SEMA3A: variants seen among roughly 807,000 people sequenced by gnomAD.
SEMA3A encodes the protein semaphorin-3A.
Under a neutral mutation model 97.9 loss-of-function variants are expected in SEMA3A, and 29 were observed. The ratio of observed to expected loss-of-function variants is 0.30; its 90% confidence interval spans 0.22 to 0.40. The LOEUF (loss-of-function observed/expected upper bound fraction) is 0.40, where lower values mean the gene tolerates loss of function less well. SEMA3A is among the 10% of genes least tolerant of loss of function. The pLI is 1.00. For missense variants in SEMA3A, 763 were observed against 951.3 expected (o/e 0.80, Z 2.60); for synonymous variants, 321 against 323.7 (o/e 0.99, Z 0.09).
chr7:84,005,178 C>CTATT (rs1429405919), intron 11 of SEMA3A, among the ~76,000 whole-genome samples, 161 bp downstream of exon 11: 3 of 152,166 alleles, frequency 2.0e-5, no homozygotes, highest in Non-Finnish European at 2.9e-5. Flanking sequence ...CAACAGTAGG[C>CTATT]TATTAGTAGT....
Position 83,956,328 on chromosome 7 carries a change from C to T in SEMA3A, c.*5043G>A, listed in dbSNP as rs963727517. On this transcript the variant is annotated 3_prime_UTR_variant, in exon 17 of 17. Transcript: ENST00000265362. ...AAGGCTGTAGGTAGGTGAAATGTAA[C>T]AGAAACTTTCGTTTGAACTGAGAGC... The T allele has an allele frequency of 6.6e-6, 1 of 152,138 alleles. No individual in the cohort carries two copies. The highest frequency in any genetic ancestry group is 1.5e-5 in the Non-Finnish European group (1 of 68,024). The allele number at this position is 152,138 out of a possible 1,614,324, so 9.4% of individuals were successfully genotyped here.
chr7:84,118,901 A>C (rs1400125733), intron 3 of SEMA3A, among the ~76,000 whole-genome samples: 1 of 85,110 alleles, frequency 1.2e-5, no homozygotes, highest in African/African-American at 3.5e-5. Context: ...TTTCCATATC[A>C]ATCACACAGT....
rs1488910011 is a variant in SEMA3A, at chr7:84,240,886, G to A, written c.-82-46218C>T. Among the ~76,000 whole-genome samples the A allele has an allele frequency of 9.2e-5, 14 of 152,144 alleles. No homozygotes were observed. The East Asian group carries it at 2.5e-3, about 27-fold the overall frequency. On this transcript the variant is annotated intron_variant, in intron 3 of 3. Transcript: ENST00000424555. Reference sequence around the variant, plus strand: ...TTTTCTGTTCCTGTGTTAGTTTGCTGAGAATGATGGTTTCCAGCTTCATCC... The same window carrying A: ...TTTTCTGTTCCTGTGTTAGTTTGCTAAGAATGATGGTTTCCAGCTTCATCC...
At chr7:84,106,455 A>G (rs1019841511) in intron 4 of SEMA3A, among the ~76,000 whole-genome samples, 2 of 152,152 alleles carry the variant, frequency 1.3e-5, no homozygotes, top group African/African-American at 4.8e-5. Flanking sequence ...AGTACACTCT[A>G]TGATTTTTGC....
intron 10 of SEMA3A, 116 bp downstream of exon 10, chr7:84,007,237 T>G: frequency 1.2e-6 from 1 of 801,498 alleles, no homozygotes; most frequent in Non-Finnish European, 1.8e-6. Flanking sequence ...ATTTATAATC[T>G]TGAAATCTTT....
At chr7:84,059,476 A>G (rs1331075617) in intron 5 of SEMA3A, among the ~76,000 whole-genome samples, 1 of 152,092 alleles carries the variant, frequency 6.6e-6, no homozygotes, top group East Asian at 1.9e-4. Flanking sequence ...TCTGAGTAGG[A>G]AAAAATTATA....
chr7:84,095,366 TATATA>T (rs1356400969), intron 4 of SEMA3A, among the ~76,000 whole-genome samples: 1 of 51,760 alleles, frequency 1.9e-5, no homozygotes, highest in African/African-American at 3.9e-5. Flanking sequence ...TACATATATA[TATATA>T]TATATATATA....
intron 1 of SEMA3A, among the ~76,000 whole-genome samples, chr7:84,377,540 C>T (rs574789835): frequency 2.4e-4 from 36 of 152,082 alleles, no homozygotes; most frequent in African/African-American, 8.0e-4. Flanking sequence ...TAGTGTGGTG[C>T]CTCCAGCTTT....
intron 14 of SEMA3A, among the ~76,000 whole-genome samples, chr7:83,978,047 CCCT>C (rs1406178926): frequency 3.9e-5 from 6 of 152,050 alleles, no homozygotes; most frequent in African/African-American, 1.4e-4. Flanking sequence ...TTGTGATCCG[CCCT>C]CCTCGGCCTC....
In SEMA3A at chr7:84,214,169, C is replaced by G. The variant is rs115623936; in HGVS notation, c.-82-19501G>C. ...TTGTACAATAAGTTTAATCTCACAA[C>G]AGTATGCTGCAATATATTAAAAAAA... On this transcript the variant is annotated intron_variant, in intron 3 of 3. Coordinates refer to the SEMA3A transcript ENST00000424555. Among the ~76,000 whole-genome samples the G allele has an allele frequency of 7.4e-3, 1,124 of 152,254 alleles. 10 individuals carry two copies. Among genetic ancestry groups the G allele is most frequent in the African/African-American group, 0.025 (1,047 of 41,544 alleles).
intron 2 of SEMA3A, among the ~76,000 whole-genome samples, chr7:84,347,711 T>C (rs1280890771): frequency 6.6e-6 from 1 of 151,814 alleles, no homozygotes; most frequent in Non-Finnish European, 1.5e-5. Context: ...TGCCCAGCTC[T>C]TCAAAGCTTT....
At chr7:83,992,061 GTCGAGGAATTTA>G (rs1789970860) in intron 12 of SEMA3A, among the ~76,000 whole-genome samples, 1 of 133,868 alleles carries the variant, frequency 7.5e-6, no homozygotes, top group Non-Finnish European at 1.6e-5. Flanking sequence ...GAGTGTATGT[GTCGAGGAATTTA>G]TCCATTTCTT....
chr7:84,145,028 C>T (rs1273567961), intron 1 of SEMA3A, among the ~76,000 whole-genome samples: 1 of 152,076 alleles, frequency 6.6e-6, no homozygotes, highest in Non-Finnish European at 1.5e-5. Flanking sequence ...ATTTTATTTA[C>T]ATACACACAC....
chr7:83,996,123 T>C (rs1790206168), intron 12 of SEMA3A, among the ~76,000 whole-genome samples: 2 of 152,118 alleles, frequency 1.3e-5, no homozygotes, highest in Non-Finnish European at 2.9e-5. Context: ...CCATCTTTGA[T>C]TGTACTGGAA....
chr7:84,210,058 C>G lies in SEMA3A; in HGVS notation c.-82-15390G>C, dbSNP rs79138950. 2.8e-4 allele frequency among the ~76,000 whole-genome samples: 42 copies of G among 152,022 alleles called. 2 individuals carry two copies. The East Asian group carries it at 7.5e-3, about 27-fold the overall frequency. ...CAAGTACATCGAGATATTCACATAG[C>G]GAAAGAAAACCAATATTATTGATAA... On this transcript the variant is annotated intron_variant, in intron 3 of 3. Coordinates refer to the SEMA3A transcript ENST00000424555.
chr7:84,149,452 G>T (rs1796561443), intron 1 of SEMA3A, among the ~76,000 whole-genome samples: 1 of 152,114 alleles, frequency 6.6e-6, no homozygotes, highest in East Asian at 1.9e-4. Flanking sequence ...CAGCTTGTTT[G>T]TTGAAAATCC....
chr7:84,184,492 A>C (rs1358051312), intron 1 of SEMA3A, among the ~76,000 whole-genome samples: 1 of 152,224 alleles, frequency 6.6e-6, no homozygotes. Context: ...CCCATATCCC[A>C]AAACGAGAAT....
At chr7:84,243,939 T>A (rs911525758) in intron 3 of SEMA3A, among the ~76,000 whole-genome samples, 2 of 152,202 alleles carry the variant, frequency 1.3e-5, no homozygotes, top group Non-Finnish European at 2.9e-5. Flanking sequence ...TGAGTTCTAA[T>A]TTGTTTACAC....
intron 1 of SEMA3A, among the ~76,000 whole-genome samples, chr7:84,450,204 G>A (rs975915657): frequency 6.6e-6 from 1 of 151,888 alleles, no homozygotes; most frequent in Non-Finnish European, 1.5e-5. Flanking sequence ...AGAGTACAAG[G>A]GTCCAATTTC....
Sources: allele counts gnomAD v4.1 joint callset (sites outside exome capture counted in the v4.1 genomes callset), GRCh38; gene constraint gnomAD v4.1.1; transcripts MANE v1.5; gene names NCBI Gene and HGNC (gene_info 2026-07-23, HGNC 2026-07-21).